The following OSTM1 variants were observed in gnomAD, a reference collection of about 807,000 sequenced individuals.
OSTM1 encodes osteopetrosis-associated transmembrane protein 1.
A neutral mutation model predicts 35.4 loss-of-function variants in OSTM1; 26 were observed. The observed-to-expected ratio is 0.73, with a 90% CI of 0.54 to 1.02. The LOEUF is 1.02. Among genes scored for constraint, OSTM1 ranks in the 50% least tolerant of loss-of-function variants. OSTM1 has a pLI of 0.00. For missense variants in OSTM1, 366 were observed against 409.6 expected (o/e 0.89, Z 0.92); for synonymous variants, 181 against 165.0 (o/e 1.10, Z -0.75).
intron 2 of OSTM1, among the ~76,000 whole-genome samples, chr6:108,063,499 A>G (rs1165313536): frequency 6.6e-6 from 1 of 152,160 alleles, no homozygotes; most frequent in African/African-American, 2.4e-5. Flanking sequence ...TATCTTTCTC[A>G]CTCATTAAAT....
rs1179655544 is a variant in OSTM1 at position 108,044,821 on chromosome 6, A to C, written c.969T>G (p.Ser323Arg). The C allele has an allele frequency of 5.1e-6, 8 of 1,574,058 alleles. No individual in the cohort carries two copies. The highest frequency in any genetic ancestry group is 4.5e-5 in the East Asian group (2 of 44,278). Residue 323 changes from serine (S) to arginine (R), a missense_variant, in exon 6 of 6, where the codon AGT becomes AGG. Around this residue, in one of 3 missense-constraint regions of OSTM1, gnomAD observed 125 missense variants for 151.7 expected, o/e 0.82. Transcript: ENST00000193322. Reference protein sequence around the residue: ...KLILPKRLKSSTSFANIQENS... With the variant: ...KLILPKRLKSRTSFANIQENS... ...TTTCCTGAATATTTGCAAAACTGGTACTGGACTTGAGACGTTTGGCTAGAT... is the reference window on the plus strand; with the variant it reads ...TTTCCTGAATATTTGCAAAACTGGTCCTGGACTTGAGACGTTTGGCTAGAT...
chr6:108,058,044 C>CTTTT (rs761751778), intron 2 of OSTM1, among the ~76,000 whole-genome samples: 38 of 121,542 alleles, frequency 3.1e-4, no homozygotes, highest in East Asian at 7.4e-4. Context: ...AAGAGTCAAT[C>CTTTT]TTTTTTTTTT....
intron 1 of OSTM1, among the ~76,000 whole-genome samples, chr6:108,065,389 G>T (rs1270458283): frequency 6.6e-6 from 1 of 151,770 alleles, no homozygotes; most frequent in African/African-American, 2.4e-5. Flanking sequence ...ACAGGCACAT[G>T]CCACCATGCT....
chr6:108,072,230 T>C (rs1054890789), intron 1 of OSTM1, among the ~76,000 whole-genome samples: 1 of 152,208 alleles, frequency 6.6e-6, no homozygotes, highest in African/African-American at 2.4e-5. Flanking sequence ...GACAGGGACA[T>C]GTCTTGGGTA....
intron 3 of OSTM1, among the ~76,000 whole-genome samples, chr6:108,053,574 G>A (rs957877888): frequency 1.4e-4 from 22 of 152,094 alleles, no homozygotes; most frequent in African/African-American, 5.1e-4. Flanking sequence ...GCAATGGCAC[G>A]ATCTCAACTC....
chr6:108,074,652 C>T lies in OSTM1; in HGVS notation c.-1G>A. The T allele has an allele frequency of 1.9e-6, 3 of 1,542,514 alleles. No individual in the cohort carries two copies. Among genetic ancestry groups the T allele is most frequent in the Non-Finnish European group, 2.6e-6 (3 of 1,150,958 alleles). ...GCGCGGCTGTCGGGCCCGGCTCCAT[C>T]ACCGGGCTCACACACCCCAGGGAGC... On this transcript the variant is annotated 5_prime_UTR_variant, in exon 1 of 6. Transcript: ENST00000193322.
intron 1 of OSTM1, among the ~76,000 whole-genome samples, chr6:108,073,458 T>C (rs1310063390): frequency 6.6e-6 from 1 of 152,234 alleles, no homozygotes; most frequent in Non-Finnish European, 1.5e-5. Context: ...TCACAGCAGC[T>C]ACCACACACC....
intron 1 of OSTM1, among the ~76,000 whole-genome samples, chr6:108,068,057 C>A (rs768610525): frequency 1.8e-4 from 27 of 152,230 alleles, no homozygotes; most frequent in South Asian, 4.1e-4. Flanking sequence ...GTTAGTGTCA[C>A]CAATACTGCC....
At chr6:108,071,004 C>T (rs774511388) in intron 1 of OSTM1, among the ~76,000 whole-genome samples, 3 of 148,008 alleles carry the variant, frequency 2.0e-5, no homozygotes, top group Non-Finnish European at 3.0e-5. Flanking sequence ...CTGGCTAACA[C>T]GGTGAAACCC....
chr6:108,068,944 A>C (rs972438647), intron 1 of OSTM1, among the ~76,000 whole-genome samples: 1 of 152,002 alleles, frequency 6.6e-6, no homozygotes. Context: ...TGTGTTCTAG[A>C]CCTCAGATAC....
intron 1 of OSTM1, among the ~76,000 whole-genome samples, chr6:108,065,075 T>A (rs6911051): frequency 0.048 from 7,266 of 151,810 alleles, 586 homozygotes; most frequent in African/African-American, 0.17. Context: ...GCCAGGCTGA[T>A]CTTGAACTCC....
chr6:108,049,322 A>G lies in OSTM1; in HGVS notation c.880T>C (p.Phe294Leu). Residue 294 changes from phenylalanine to leucine, a missense_variant, in exon 5 of 6, where the codon TTT (phenylalanine) becomes CTT (leucine). Phe to Leu is a conservative substitution (Grantham distance 22, BLOSUM62 0). This residue lies in a region of OSTM1 where 125 missense variants were observed against 151.7 expected (regional missense o/e 0.82). Transcript: ENST00000193322. ...CTAAGGTAGAAGACAACAGGTAGAA[A>G]GAGAATGAACACAGAAACAGCAATT... is the stretch of plus-strand genomic sequence containing the variant. Reference protein sequence around the residue: ...PVIAVSVFILFLPVVFYLSSF... With the variant: ...PVIAVSVFILLLPVVFYLSSF... 6.2e-7 allele frequency: 1 copy of G among 1,613,384 alleles called. No homozygotes were observed. The highest frequency in any genetic ancestry group is 8.5e-7 in the Non-Finnish European group (1 of 1,179,344).
intron 1 of OSTM1, among the ~76,000 whole-genome samples, chr6:108,066,607 A>G (rs989937722): frequency 2.0e-5 from 3 of 152,176 alleles, no homozygotes; most frequent in Admixed American, 6.5e-5. Context: ...ACTAACAAGA[A>G]TGAATTTGAT....
In OSTM1 at chr6:108,064,315, G is replaced by T. The variant is rs767127301; in HGVS notation, c.403-16C>A. ...CTGAAGTATTCTGTAACAAAAAGAA[G>T]ACAGAAAAATACAATCTGAGTATTT... is the stretch of plus-strand genomic sequence containing the variant. On this transcript the variant is annotated splice_polypyrimidine_tract_variant and intron_variant, in intron 1 of 5. Coordinates refer to ENST00000193322, the MANE Select transcript of OSTM1 (RefSeq NM_014028.4). 7 of 1,341,402 alleles carry T rather than the reference G, an allele frequency of 5.2e-6. No homozygotes were observed. The Admixed American group carries it at 8.4e-5, about 16-fold the overall frequency. The allele number at this position is 1,341,402 out of a possible 1,614,324, so 83.1% of individuals were successfully genotyped here.
At chr6:108,058,460 G>T (rs58388645) in intron 2 of OSTM1, among the ~76,000 whole-genome samples, 2 of 152,010 alleles carry the variant, frequency 1.3e-5, no homozygotes, top group Non-Finnish European at 1.5e-5. Flanking sequence ...TGATTATAAC[G>T]CTTAGTACAT....
At chr6:108,059,339 G>T (rs1202370003) in intron 2 of OSTM1, among the ~76,000 whole-genome samples, 2 of 152,134 alleles carry the variant, frequency 1.3e-5, no homozygotes, top group African/African-American at 4.8e-5. Context: ...AGTAGAAAAA[G>T]TTGCACTCTT....
chr6:108,049,658 C>A lies in OSTM1; in HGVS notation c.784-240G>T, dbSNP rs6914333. 782 of 739,994 alleles carry A rather than the reference C, an allele frequency of 1.1e-3. 8 individuals are homozygous for A. The African/African-American group carries it at 0.012, about 12-fold the overall frequency. The allele number at this position is 739,994 out of a possible 1,614,324, so 45.8% of individuals were successfully genotyped here. The stretch of plus-strand genomic sequence containing the variant: ...CATATTCTAAGTCCATAATACTGAC[C>A]AAAGTATTCTAGAATGTCAACCATT... On this transcript the variant is annotated intron_variant, in intron 4 of 5. Transcript: ENST00000193322.
In OSTM1 at chr6:108,059,005, A is replaced by G. The variant is rs552028552; in HGVS notation, c.518-4418T>C. Among the ~76,000 whole-genome samples, 5 of 152,310 alleles carry G rather than the reference A, an allele frequency of 3.3e-5. No individual in the cohort carries two copies. In the East Asian group the frequency reaches 9.6e-4, roughly 29 times the overall value. The stretch of plus-strand genomic sequence containing the variant: ...TCACTGAAGATATAGGTTGCTCATA[A>G]AGAAAGAGTTTTCAGTGTGTAAGAA... On this transcript the variant is annotated intron_variant, in intron 2 of 5. Coordinates refer to ENST00000193322, the MANE Select transcript of OSTM1 (RefSeq NM_014028.4).
Position 108,041,677 on chromosome 6 carries a change from T to C in OSTM1, c.*3108A>G, listed in dbSNP as rs1034624335. 3.9e-5 allele frequency: 6 copies of C among 152,228 alleles called. No individual in the cohort carries two copies. The highest frequency in any genetic ancestry group is 4.2e-4 in the South Asian group (2 of 4,818). 9.4% of individuals were successfully genotyped at this position (152,228 alleles called of 1,614,324 possible). ...AGCATCTCAAGTCTCCATTTAAGAG[T>C]TGACTATCAAAGAATGACTGTTATA... On this transcript the variant is annotated 3_prime_UTR_variant, in exon 6 of 6. Coordinates refer to ENST00000193322, the MANE Select transcript of OSTM1 (RefSeq NM_014028.4).
Sources: allele counts gnomAD v4.1 joint callset (sites outside exome capture counted in the v4.1 genomes callset), GRCh38; gene constraint gnomAD v4.1.1; regional missense constraint gnomAD v4.1.1; transcripts MANE v1.5; gene names NCBI Gene and HGNC (gene_info 2026-07-23, HGNC 2026-07-21).